CASZ1: variants seen among roughly 807,000 people sequenced by gnomAD.
CASZ1 encodes the protein castor zinc finger 1, also known as zinc finger protein castor homolog 1.
A neutral mutation model predicts 135.2 loss-of-function variants in CASZ1; 28 were observed. The observed-to-expected ratio is 0.21, with a 90% CI of 0.15 to 0.28. The LOEUF is 0.28. Among genes scored for constraint, CASZ1 ranks in the 10% least tolerant of loss-of-function variants. The pLI is 1.00. For synonymous variants in CASZ1, 1,068 were observed against 1,073.4 expected (o/e 0.99, Z 0.10); for missense variants, 2,161 against 2,453.3 (o/e 0.88, Z 2.52).
intron 1 of CASZ1, among the ~76,000 whole-genome samples, chr1:10,768,190 T>C (rs1570576085): frequency 6.6e-6 from 1 of 151,906 alleles, no homozygotes; most frequent in Non-Finnish European, 1.5e-5. Flanking sequence ...CAGGGCAGGG[T>C]GGGTCATTAT....
rs559058698 is a variant in CASZ1, at chr1:10,721,705, G to T, written c.-76-16161C>A. ...ACCTCACCACTGACCTGCAAGTGCC[G>T]ACCTGCAAACCAGGAAGTGGACGGC... On this transcript the variant is annotated intron_variant, in intron 2 of 20. Transcript: ENST00000377022. This position sits in a 1 kb window ranked among gnomAD's most constrained non-coding sequence, Gnocchi z 5.4. Among the ~76,000 whole-genome samples the T allele has an allele frequency of 6.6e-6, 1 of 152,208 alleles. No homozygotes were observed. The highest frequency in any genetic ancestry group is 1.5e-5 in the Non-Finnish European group (1 of 68,034).
At chr1:10,664,400 T>C (rs1643159648) in intron 5 of CASZ1, among the ~76,000 whole-genome samples, 1 of 143,656 alleles carries the variant, frequency 7.0e-6, no homozygotes, top group African/African-American at 2.5e-5. Context: ...GACATGGACA[T>C]GGAGACACCA....
intron 3 of CASZ1, among the ~76,000 whole-genome samples, chr1:10,695,561 T>TCCC (rs1638911460): frequency 3.5e-5 from 1 of 28,572 alleles, no homozygotes. Flanking sequence ...CCATCCCGGC[T>TCCC]CCTCCTCCCC....
In CASZ1 at chr1:10,644,903, C is replaced by A; in HGVS notation, c.3868+14G>T. On this transcript the variant is annotated intron_variant, in intron 18 of 20. Coordinates refer to ENST00000377022, the MANE Select transcript of CASZ1 (RefSeq NM_001079843.3). ...CTGCTGCAAGTCCCTGCCCGCAGCCCCAGCCCTCGGTACCTAGCCTGCCAC... is the reference window on the plus strand; with the variant it reads ...CTGCTGCAAGTCCCTGCCCGCAGCCACAGCCCTCGGTACCTAGCCTGCCAC... 6.2e-7 allele frequency: 1 copy of A among 1,607,540 alleles called. No individual in the cohort carries two copies.
intron 2 of CASZ1, among the ~76,000 whole-genome samples, chr1:10,733,805 G>A (rs946952491): frequency 6.6e-6 from 1 of 152,124 alleles, no homozygotes; most frequent in Non-Finnish European, 1.5e-5. Flanking sequence ...CTACTTCTTA[G>A]CTCTGGGATC....
chr1:10,639,089 G>A lies in CASZ1; in HGVS notation c.5133C>T (p.Asp1711=), dbSNP rs1454111756. The A allele has an allele frequency of 2.9e-6, 3 of 1,041,740 alleles. No homozygotes were observed. Among genetic ancestry groups the A allele is most frequent in the East Asian group, 1.5e-4 (2 of 13,652 alleles). The allele number at this position is 1,041,740 out of a possible 1,614,324, so 64.5% of individuals were successfully genotyped here. A position where few individuals can be genotyped will look rare whatever the true frequency, so the allele number is the denominator to read the frequency against. Reference sequence around the variant, plus strand: ...CCGAGTCGGTGCGCAGGTCCTCGTCGTCGTCGTCCTCGTCGTCGTCCTCGT... The same window carrying A: ...CCGAGTCGGTGCGCAGGTCCTCGTCATCGTCGTCCTCGTCGTCGTCCTCGT... ...DDDEDDDEDD[D]DEDLRTDSEE... is the part of the protein sequence containing the mutation. The change falls in exon 21 of 21, where the codon GAC becomes GAT. Residue 1711 remains aspartate, a synonymous_variant. Transcript: ENST00000377022. The surrounding 1 kb of genome is among the most constrained non-coding windows in gnomAD (Gnocchi z 4.0).
chr1:10,649,607 A>T, intron 13 of CASZ1, 170 bp from the exon 14 acceptor site: 2 of 728,338 alleles, frequency 2.7e-6, no homozygotes, highest in Non-Finnish European at 4.4e-6. Context: ...CCCTCTCTGA[A>T]CAGAGAGCCT....
chr1:10,724,804 G>A lies in CASZ1; in HGVS notation c.-76-19260C>T, dbSNP rs1488216653. 6.6e-6 allele frequency among the ~76,000 whole-genome samples: 1 copy of A among 152,218 alleles called. No individual in the cohort carries two copies. The highest frequency in any genetic ancestry group is 1.9e-4 in the East Asian group (1 of 5,196). ...GGCAGAGGAAGGCAGGTGGGGGGCT[G>A]GCTGGGAGCCTCGGAGGATGACATA... On this transcript the variant is annotated intron_variant, in intron 2 of 20. Transcript: ENST00000377022. The surrounding 1 kb of genome is among the most constrained non-coding windows in gnomAD (Gnocchi z 4.1).
Position 10,647,430 on chromosome 1 carries a change from C to T in CASZ1, c.3497+371G>A. ...GCAGAGATTCAGCCATGGGTGTGAG[C>T]CACAGAGGAGGCCAATACGGAGGCT... On this transcript the variant is annotated intron_variant, in intron 16 of 20. Transcript: ENST00000377022. This position sits in a 1 kb window ranked among gnomAD's most constrained non-coding sequence, Gnocchi z 4.9. 8.7e-7 allele frequency: 1 copy of T among 1,148,954 alleles called. No homozygotes were observed. The highest frequency in any genetic ancestry group is 1.1e-6 in the Non-Finnish European group (1 of 927,214). The allele number at this position is 1,148,954 out of a possible 1,614,324, so 71.2% of individuals were successfully genotyped here. A position where few individuals can be genotyped will look rare whatever the true frequency, so the allele number is the denominator to read the frequency against.
At chr1:10,708,764 G>A (rs1639225032) in intron 2 of CASZ1, among the ~76,000 whole-genome samples, 1 of 152,070 alleles carries the variant, frequency 6.6e-6, no homozygotes, top group African/African-American at 2.4e-5. Flanking sequence ...TTATAAAAGA[G>A]AGTGAGAAGA....
intron 2 of CASZ1, among the ~76,000 whole-genome samples, chr1:10,737,084 C>T (rs112376273): frequency 1.3e-5 from 2 of 152,320 alleles, no homozygotes; most frequent in African/African-American, 4.8e-5. Flanking sequence ...ATTTCAGTGG[C>T]CATTTATTTA....
At position 10,767,761 on chromosome 1, in the gene CASZ1, G is replaced by A. The variant is rs543441297; in HGVS notation, c.-233-6904C>T. On this transcript the variant is annotated intron_variant, in intron 1 of 20. Transcript: ENST00000377022. This position sits in a 1 kb window ranked among gnomAD's most constrained non-coding sequence, Gnocchi z 4.2. ...TTATGACCCACTGCAAGCAGAAAGG[G>A]CCACATCAGCAGGTCCGGTTGCAGC... 6.6e-6 allele frequency among the ~76,000 whole-genome samples: 1 copy of A among 152,290 alleles called. No individual in the cohort carries two copies. Among genetic ancestry groups the A allele is most frequent in the Non-Finnish European group, 1.5e-5 (1 of 68,018 alleles).
rs1184044111 is a variant in CASZ1, at chr1:10,711,585, C to T, written c.-76-6041G>A. ...CCAGAAAAAATGGAAAACAGGTACTCAAAAAAAAAAAAAAAAGAAAAACAA... is the reference window on the plus strand; with the variant it reads ...CCAGAAAAAATGGAAAACAGGTACTTAAAAAAAAAAAAAAAAGAAAAACAA... On this transcript the variant is annotated intron_variant, in intron 2 of 20. Coordinates refer to ENST00000377022, the MANE Select transcript of CASZ1 (RefSeq NM_001079843.3). This position sits in a 1 kb window ranked among gnomAD's most constrained non-coding sequence, Gnocchi z 4.4. Among the ~76,000 whole-genome samples the T allele has an allele frequency of 1.0e-5, 1 of 97,582 alleles. No individual in the cohort carries two copies. Among genetic ancestry groups the T allele is most frequent in the Non-Finnish European group, 2.4e-5 (1 of 41,454 alleles). 64.0% of individuals were successfully genotyped at this position (97,582 alleles called of 152,430 possible). A position where few individuals can be genotyped will look rare whatever the true frequency, so the allele number is the denominator to read the frequency against.
chr1:10,778,626 T>C (rs1441030102), intron 1 of CASZ1, among the ~76,000 whole-genome samples: 2 of 152,180 alleles, frequency 1.3e-5, no homozygotes, highest in Admixed American at 1.3e-4. Context: ...GCGGTCTTTC[T>C]TCCTGAATCT....
intron 1 of CASZ1, among the ~76,000 whole-genome samples, chr1:10,779,888 A>T (rs567106298): frequency 1.2e-4 from 19 of 152,336 alleles, no homozygotes; most frequent in African/African-American, 4.6e-4. Flanking sequence ...TATTTGCAAG[A>T]TTCCAGCCAA....
chr1:10,649,559 G>T, intron 13 of CASZ1, 122 bp from the exon 14 acceptor site: 2 of 1,149,644 alleles, frequency 1.7e-6, no homozygotes, highest in Non-Finnish European at 2.4e-6. Context: ...AGCCAGCAGA[G>T]AATGCGGCCC....
In CASZ1 at chr1:10,648,483, G is replaced by A. The variant is rs1338432054; in HGVS notation, c.3159-344C>T. On this transcript the variant is annotated intron_variant, in intron 15 of 20. Transcript: ENST00000377022. The stretch of plus-strand genomic sequence containing the variant: ...GGAGGTCTTAAAGGTAGGATTCTCA[G>A]TATTCACAGCAGGCTTCCCCGCGGG... 7 of 271,038 alleles carry A rather than the reference G, an allele frequency of 2.6e-5. No individual in the cohort carries two copies. The Admixed American group carries it at 3.3e-4, about 13-fold the overall frequency. 16.8% of individuals were successfully genotyped at this position (271,038 alleles called of 1,614,324 possible).
In CASZ1 at chr1:10,719,527, G is replaced by A. The variant is rs984209059; in HGVS notation, c.-76-13983C>T. Reference sequence around the variant, plus strand: ...CCCTAAGAAGCAGCGCTGTGGGGAAGGTGGCACCGAACAAGTTTCTAAGGG... The same window carrying A: ...CCCTAAGAAGCAGCGCTGTGGGGAAAGTGGCACCGAACAAGTTTCTAAGGG... On this transcript the variant is annotated intron_variant, in intron 2 of 20. Coordinates refer to ENST00000377022, the MANE Select transcript of CASZ1 (RefSeq NM_001079843.3). This position sits in a 1 kb window ranked among gnomAD's most constrained non-coding sequence, Gnocchi z 4.0. Among the ~76,000 whole-genome samples, 2 of 152,338 alleles carry A rather than the reference G, an allele frequency of 1.3e-5. No homozygotes were observed. The highest frequency in any genetic ancestry group is 3.9e-4 in the East Asian group (2 of 5,182).
At position 10,767,474 on chromosome 1, in the gene CASZ1, G is replaced by C. The variant is rs1281911616; in HGVS notation, c.-233-6617C>G. On this transcript the variant is annotated intron_variant, in intron 1 of 20. Coordinates refer to ENST00000377022, the MANE Select transcript of CASZ1 (RefSeq NM_001079843.3). This position sits in a 1 kb window ranked among gnomAD's most constrained non-coding sequence, Gnocchi z 4.2. Reference sequence around the variant, plus strand: ...CAGGGCGGGGGCGATGGGAGCACAGGCTTCCCCTATTGCAAAGCCAGGCCC... The same window carrying C: ...CAGGGCGGGGGCGATGGGAGCACAGCCTTCCCCTATTGCAAAGCCAGGCCC... Among the ~76,000 whole-genome samples the C allele has an allele frequency of 1.3e-5, 2 of 152,166 alleles. No individual in the cohort carries two copies. Among genetic ancestry groups the C allele is most frequent in the East Asian group, 1.9e-4 (1 of 5,194 alleles).
Sources: allele counts gnomAD v4.1 joint callset (sites outside exome capture counted in the v4.1 genomes callset), GRCh38; gene constraint gnomAD v4.1.1; non-coding constraint Gnocchi (gnomAD v3.1); transcripts MANE v1.5; gene names NCBI Gene and HGNC (gene_info 2026-07-23, HGNC 2026-07-21).